The following FRAS1 variants were observed in gnomAD, a reference collection of about 807,000 sequenced individuals.
The protein encoded by FRAS1 is Fraser extracellular matrix complex subunit 1.
In FRAS1, 290 loss-of-function variants were observed where a neutral mutation model predicts 435.2. The observed-to-expected ratio is 0.67, with a 90% CI of 0.61 to 0.73. The LOEUF (loss-of-function observed/expected upper bound fraction) is 0.73, where lower values mean the gene tolerates loss of function less well. Among genes scored for constraint, FRAS1 ranks in the 30% least tolerant of loss-of-function variants. The probability of loss-of-function intolerance (pLI) is 0.00; values close to 1 mark genes in which losing one functional copy is unlikely to be tolerated. For missense variants in FRAS1, 4,860 were observed against 5,001.5 expected (o/e 0.97, Z 0.85); for synonymous variants, 1,800 against 1,851.0 (o/e 0.97, Z 0.71).
chr4:78,405,723 A>G (rs1488741245), intron 30 of FRAS1, among the ~76,000 whole-genome samples: 1 of 152,152 alleles, frequency 6.6e-6, no homozygotes, highest in Non-Finnish European at 1.5e-5. Context: ...TTGACACTCT[A>G]TCTTTCTGTC....
At position 78,542,889 on chromosome 4, in the gene FRAS1, T is replaced by C. The variant is rs976894933; in HGVS notation, c.*1765T>C. On this transcript the variant is annotated 3_prime_UTR_variant, in exon 74 of 74. Transcript: ENST00000512123. ...CTCTACTTGGATTATGAGATAACCTTTTCTTGGAGGAAAGAAACACCGCTT... is the reference window on the plus strand; with the variant it reads ...CTCTACTTGGATTATGAGATAACCTCTTCTTGGAGGAAAGAAACACCGCTT... 7 of 152,170 alleles carry C rather than the reference T, an allele frequency of 4.6e-5. No homozygotes were observed. The highest frequency in any genetic ancestry group is 1.0e-4 in the Non-Finnish European group (7 of 68,032). The allele number at this position is 152,170 out of a possible 1,614,324, so 9.4% of individuals were successfully genotyped here. A position where few individuals can be genotyped will look rare whatever the true frequency, so the allele number is the denominator to read the frequency against.
chr4:78,334,064 C>T (rs1730059801), intron 19 of FRAS1, among the ~76,000 whole-genome samples: 1 of 152,162 alleles, frequency 6.6e-6, no homozygotes, highest in Admixed American at 6.5e-5. Flanking sequence ...GCTGAGATTA[C>T]AGATGTGAGC....
chr4:78,278,426 A>T (rs529535147), intron 9 of FRAS1, among the ~76,000 whole-genome samples: 1 of 152,348 alleles, frequency 6.6e-6, no homozygotes, highest in East Asian at 1.9e-4. Context: ...GAGGGATCAG[A>T]GCATAACAGA....
intron 19 of FRAS1, 84 bp downstream of exon 19, chr4:78,333,496 T>C: frequency 1.4e-6 from 2 of 1,384,312 alleles, no homozygotes; most frequent in Non-Finnish European, 2.0e-6. Context: ...TTAGAAACCT[T>C]GTCATACCGG....
chr4:78,432,265 T>A (rs1400375094), intron 37 of FRAS1, 92 bp from the exon 38 acceptor site: 2 of 1,310,384 alleles, frequency 1.5e-6, no homozygotes, highest in Non-Finnish European at 2.0e-6. Context: ...TGATCCTATA[T>A]GAACCTTAAA....
At chr4:78,431,038 T>C (rs1277599196) in intron 37 of FRAS1, among the ~76,000 whole-genome samples, 1 of 152,226 alleles carries the variant, frequency 6.6e-6, no homozygotes, top group African/African-American at 2.4e-5. Flanking sequence ...CCTTATTCAT[T>C]GAAGTGAATA....
At chr4:78,469,493 A>G (rs1189728121) in intron 50 of FRAS1, among the ~76,000 whole-genome samples, 1 of 152,246 alleles carries the variant, frequency 6.6e-6, no homozygotes, top group Non-Finnish European at 1.5e-5. Flanking sequence ...GGAAAAAAAA[A>G]GAAAATATCT....
At chr4:78,459,243 T>G (rs1252494732) in intron 47 of FRAS1, among the ~76,000 whole-genome samples, 1 of 152,256 alleles carries the variant, frequency 6.6e-6, no homozygotes, top group African/African-American at 2.4e-5. Context: ...AATTGCTTCC[T>G]TCCCTCTTTT....
intron 67 of FRAS1, among the ~76,000 whole-genome samples, chr4:78,519,815 G>C (rs78462474): frequency 0.012 from 1,845 of 152,286 alleles, 18 homozygotes; most frequent in Middle Eastern, 0.02. Context: ...GTGAAAAATT[G>C]TGTGGTTCTT....
intron 28 of FRAS1, among the ~76,000 whole-genome samples, chr4:78,385,791 A>G (rs1732196080): frequency 6.6e-6 from 1 of 151,826 alleles, no homozygotes; most frequent in Non-Finnish European, 1.5e-5. Flanking sequence ...AGGCTGAGGC[A>G]GGAGACTCGC....
chr4:78,220,545 A>T (rs971368194), intron 2 of FRAS1, among the ~76,000 whole-genome samples: 1 of 152,242 alleles, frequency 6.6e-6, no homozygotes. Context: ...TACTATGAGT[A>T]TAGCTACAGT....
Position 78,537,153 on chromosome 4 carries a change from G to A in FRAS1, c.11251G>A (p.Gly3751Arg), listed in dbSNP as rs753322741. Reference protein sequence around the residue: ...GTIYNEGPQYGCIQPNKHLKH... With the variant: ...GTIYNEGPQYRCIQPNKHLKH... ...AATCTACAATGAAGGGCCCCAGTATGGATGCATTCAGCCAAACAAACACCT... is the reference window on the plus strand; with the variant it reads ...AATCTACAATGAAGGGCCCCAGTATAGATGCATTCAGCCAAACAAACACCT... Residue 3751 changes from glycine (G) to arginine (R), a missense_variant, in exon 72 of 74, where the codon GGA becomes AGA. Coordinates refer to ENST00000512123, the MANE Select transcript of FRAS1 (RefSeq NM_025074.7). 3 of 1,613,978 alleles carry A rather than the reference G, an allele frequency of 1.9e-6. No homozygotes were observed. Among genetic ancestry groups the A allele is most frequent in the Non-Finnish European group, 2.5e-6 (3 of 1,179,894 alleles).
chr4:78,390,085 A>T (rs1732384878), intron 29 of FRAS1, among the ~76,000 whole-genome samples: 1 of 152,198 alleles, frequency 6.6e-6, no homozygotes, highest in Non-Finnish European at 1.5e-5. Flanking sequence ...CTAATAATAC[A>T]TCTGACTGCA....
intron 2 of FRAS1, among the ~76,000 whole-genome samples, chr4:78,155,956 T>TA (rs149947953): frequency 5.5e-4 from 83 of 151,866 alleles, no homozygotes; most frequent in Non-Finnish European, 8.7e-4. Context: ...CAGCTAGAGT[T>TA]AAAAAAAATA....
At chr4:78,452,481 A>G in intron 47 of FRAS1, 127 bp downstream of exon 47, 1 of 700,798 alleles carries the variant, frequency 1.4e-6, no homozygotes, top group Non-Finnish European at 2.3e-6. Flanking sequence ...TGCCTCACTA[A>G]TTTTGACCAT....
chr4:78,382,926 C>T (rs1732077065), intron 27 of FRAS1, among the ~76,000 whole-genome samples: 1 of 152,122 alleles, frequency 6.6e-6, no homozygotes. Flanking sequence ...CTGTCTTTTG[C>T]CATAATGCTT....
intron 4 of FRAS1, among the ~76,000 whole-genome samples, chr4:78,249,064 CAT>C (rs200267733): frequency 0.086 from 1,433 of 16,650 alleles, 152 homozygotes; most frequent in East Asian, 0.26. Flanking sequence ...TATATATATG[CAT>C]ATATATATAT....
At chr4:78,204,686 C>A (rs971597294) in intron 2 of FRAS1, among the ~76,000 whole-genome samples, 1 of 152,096 alleles carries the variant, frequency 6.6e-6, no homozygotes, top group African/African-American at 2.4e-5. Context: ...CAAAGTGCAC[C>A]ATATGGAGAA....
At position 78,286,488 on chromosome 4, in the gene FRAS1, T is replaced by C. The variant is rs775207882; in HGVS notation, c.1483T>C (p.Cys495Arg). 3.7e-6 allele frequency: 6 copies of C among 1,613,692 alleles called. No individual in the cohort carries two copies. Among genetic ancestry groups the C allele is most frequent in the East Asian group, 2.2e-5 (1 of 44,882 alleles). The change falls in exon 14 of 74, where the codon TGT becomes CGT. Residue 495 changes from cysteine to arginine, a missense_variant. Coordinates refer to ENST00000512123, the MANE Select transcript of FRAS1 (RefSeq NM_025074.7). ...TCCCCTGCTGATGCGGCACGGGCAG[T>C]GTGTGCCTACCTGTGGGGACGGCTT... is the stretch of plus-strand genomic sequence containing the variant. ...QPPLLMRHGQ[C>R]VPTCGDGFYQ...
Sources: gnomAD v4.1 joint callset for allele counts (sites outside exome capture counted in the v4.1 genomes callset) on GRCh38, gnomAD v4.1.1 for gene constraint, MANE v1.5 for transcripts, NCBI Gene and HGNC (gene_info 2026-07-23, HGNC 2026-07-21) for gene names.